STPG4: variants seen among roughly 807,000 people sequenced by gnomAD.
STPG4 encodes the protein protein STPG4.
Under a neutral mutation model 31.5 loss-of-function variants are expected in STPG4, and 41 were observed. That is an observed-to-expected ratio of 1.30 (90% CI 1.01 to 1.69). The LOEUF is 1.69. Among genes scored for constraint, STPG4 ranks in the 40% most tolerant of loss-of-function variants. STPG4 has a pLI of 0.00. For synonymous variants in STPG4, 141 were observed against 103.0 expected, an observed-to-expected ratio of 1.37 and a Z score of -2.24; for missense variants, 375 against 293.4, an observed-to-expected ratio of 1.28 and a Z score of -2.03.
chr2:47,146,821 G>T (rs750298674), intron 3 of STPG4, among the ~76,000 whole-genome samples: 5 of 151,824 alleles, frequency 3.3e-5, no homozygotes, highest in Non-Finnish European at 5.9e-5. Context: ...GAGGATAGGG[G>T]AGGAAGTGTA....
chr2:47,112,538 A>C (rs1410839875), intron 5 of STPG4, among the ~76,000 whole-genome samples: 2 of 152,236 alleles, frequency 1.3e-5, no homozygotes, highest in Non-Finnish European at 2.9e-5. Context: ...GATCATGTTA[A>C]GAAAGGAAAG....
intron 3 of STPG4, among the ~76,000 whole-genome samples, chr2:47,135,915 G>T (rs1028144046): frequency 1.3e-5 from 2 of 152,156 alleles, no homozygotes; most frequent in African/African-American, 4.8e-5. Context: ...AAGTCAGGTA[G>T]TGTCAGTCCT....
intron 5 of STPG4, among the ~76,000 whole-genome samples, chr2:47,100,937 T>C (rs1219634700): frequency 1.3e-5 from 2 of 151,816 alleles, no homozygotes; most frequent in Non-Finnish European, 2.9e-5. Flanking sequence ...GCGGCTTCAT[T>C]CTTGAACTCA....
At chr2:47,128,769 G>C (rs1317639519) in intron 5 of STPG4, 1 of 152,244 alleles carries the variant, frequency 6.6e-6, no homozygotes, top group African/African-American at 2.4e-5. Flanking sequence ...AGCCTGCTTG[G>C]TGCTCCACTT....
intron 5 of STPG4, among the ~76,000 whole-genome samples, chr2:47,116,662 C>A (rs532436459): frequency 1.6e-3 from 242 of 152,256 alleles, no homozygotes; most frequent in Non-Finnish European, 2.8e-3. Context: ...TACCCTAATT[C>A]TTGTCTCATT....
At chr2:47,107,530 A>G (rs920357208) in intron 5 of STPG4, among the ~76,000 whole-genome samples, 18 of 152,168 alleles carry the variant, frequency 1.2e-4, no homozygotes, top group South Asian at 2.1e-4. Context: ...GGCAGGGCTC[A>G]GGACCTGCAG....
At chr2:47,116,955 G>C (rs1686165282) in intron 5 of STPG4, among the ~76,000 whole-genome samples, 1 of 152,098 alleles carries the variant, frequency 6.6e-6, no homozygotes, top group Non-Finnish European at 1.5e-5. Flanking sequence ...CTCAACTAAT[G>C]AATACCTTAT....
Position 47,151,308 on chromosome 2 carries a change from ATGAG to A in STPG4, c.345_348del (p.Phe117LysfsTer11). On this transcript the variant is annotated frameshift_variant, in exon 3 of 7. Coordinates refer to ENST00000445927, the MANE Select transcript of STPG4 (RefSeq NM_001163561.2). LOFTEE classifies it high-confidence loss of function. ...GGGCTTGGCCGTGGTTTGTCTTTGA[ATGAG>A]TAAGTAGCCACTTGCTTCTTTAACA... The A allele has an allele frequency of 6.2e-7, 1 of 1,614,186 alleles. No homozygotes were observed. The highest frequency in any genetic ancestry group is 1.1e-5 in the South Asian group (1 of 91,080).
intron 6 of STPG4, among the ~76,000 whole-genome samples, chr2:47,087,558 A>C (rs922012470): frequency 2.6e-5 from 4 of 152,190 alleles, no homozygotes; most frequent in Non-Finnish European, 5.9e-5. Context: ...GATTGGTCTA[A>C]CTCAAAAGCC....
At position 47,090,316 on chromosome 2, in the gene STPG4, G is replaced by A; in HGVS notation, c.578C>T (p.Thr193Ile). Residue 193 changes from threonine to isoleucine, a missense_variant, in exon 6 of 7, where the codon ACT (threonine) becomes ATT (isoleucine). Physicochemically the swap from Thr to Ile is moderately conservative, Grantham distance 89 (BLOSUM62 -1). Coordinates refer to ENST00000445927, the MANE Select transcript of STPG4 (RefSeq NM_001163561.2). The part of the protein sequence containing the change: ...NVKMPPTSSV[T>I]SCFQSRVPRF... Reference sequence around the variant, plus strand: ...AGGGACTCTGGATTGAAAACAAGAAGTGACAGAGCTTGTTGGAGGCATTTT... The same window carrying A: ...AGGGACTCTGGATTGAAAACAAGAAATGACAGAGCTTGTTGGAGGCATTTT... 1 of 1,552,024 alleles carries A rather than the reference G, an allele frequency of 6.4e-7. No homozygotes were observed. Among genetic ancestry groups the A allele is most frequent in the Non-Finnish European group, 8.7e-7 (1 of 1,147,024 alleles).
intron 6 of STPG4, among the ~76,000 whole-genome samples, chr2:47,089,738 G>A (rs1224396206): frequency 6.6e-6 from 1 of 151,928 alleles, no homozygotes; most frequent in Non-Finnish European, 1.5e-5. Flanking sequence ...GAGGAGTCCT[G>A]TATGCTCCCA....
intron 5 of STPG4, among the ~76,000 whole-genome samples, chr2:47,113,813 T>A (rs1266085289): frequency 6.6e-6 from 1 of 151,898 alleles, no homozygotes; most frequent in Non-Finnish European, 1.5e-5. Flanking sequence ...GGCAGGTGGA[T>A]CACGAGGTCA....
intron 3 of STPG4, among the ~76,000 whole-genome samples, chr2:47,143,680 G>A (rs1204663793): frequency 6.6e-6 from 1 of 151,936 alleles, no homozygotes; most frequent in South Asian, 2.1e-4. Flanking sequence ...AGTAGAGTCA[G>A]GGTTTCACCG....
intron 5 of STPG4, among the ~76,000 whole-genome samples, chr2:47,109,631 C>T (rs1193532855): frequency 6.6e-6 from 1 of 151,608 alleles, no homozygotes; most frequent in Non-Finnish European, 1.5e-5. Context: ...CAAAATGTTA[C>T]CCACAAGTAA....
At chr2:47,094,552 G>A (rs1048918025) in intron 5 of STPG4, among the ~76,000 whole-genome samples, 3 of 152,182 alleles carry the variant, frequency 2.0e-5, no homozygotes, top group Admixed American at 2.0e-4. Context: ...TTTGGCCTCT[G>A]GGGAGTTTGG....
chr2:47,118,993 A>T (rs1686208256), intron 5 of STPG4, among the ~76,000 whole-genome samples: 1 of 152,246 alleles, frequency 6.6e-6, no homozygotes, highest in South Asian at 2.1e-4. Context: ...GAGTTTTCGT[A>T]TAAAAGCTGA....
intron 4 of STPG4, 76 bp from the exon 5 acceptor site, chr2:47,130,071 C>T (rs1686445575): frequency 2.7e-6 from 4 of 1,481,054 alleles, no homozygotes; most frequent in Non-Finnish European, 2.8e-6. Flanking sequence ...TATTCCCTAC[C>T]TTTCATTAAA....
At chr2:47,099,813 C>A (rs1041615923) in intron 5 of STPG4, among the ~76,000 whole-genome samples, 2 of 152,230 alleles carry the variant, frequency 1.3e-5, no homozygotes, top group Admixed American at 6.5e-5. Flanking sequence ...GCTTGGTGGG[C>A]CCCACACTCA....
chr2:47,094,318 T>G (rs1317433128), intron 5 of STPG4, among the ~76,000 whole-genome samples: 1 of 152,194 alleles, frequency 6.6e-6, no homozygotes, highest in South Asian at 2.1e-4. Flanking sequence ...GAGAACAGAA[T>G]AGTCACCTTC....
Sources: gnomAD v4.1 joint callset for allele counts (sites outside exome capture counted in the v4.1 genomes callset) on GRCh38, gnomAD v4.1.1 for gene constraint, MANE v1.5 for transcripts, NCBI Gene and HGNC (gene_info 2026-07-23, HGNC 2026-07-21) for gene names.